Variants in ARHGAP10 observed in about 807,000 individuals in gnomAD.
ARHGAP10 encodes the protein Rho GTPase activating protein 10.
Under a neutral mutation model 108.6 loss-of-function variants are expected in ARHGAP10, and 87 were observed. The ratio of observed to expected loss-of-function variants is 0.80; its 90% CI spans 0.67 to 0.96. The LOEUF (loss-of-function observed/expected upper bound fraction) is 0.96, where lower values mean the gene tolerates loss of function less well. Among genes scored for constraint, ARHGAP10 ranks in the 40% least tolerant of loss-of-function variants. The pLI is 0.00. For synonymous variants in ARHGAP10, 347 were observed against 341.1 expected (o/e 1.02, Z -0.19); for missense variants, 939 against 954.5 (o/e 0.98, Z 0.21).
At chr4:147,985,892 T>G (rs1740026888) in intron 18 of ARHGAP10, among the ~76,000 whole-genome samples, 1 of 152,248 alleles carries the variant, frequency 6.6e-6, no homozygotes, top group African/African-American at 2.4e-5. Flanking sequence ...GGAGGTCCTC[T>G]GCCTCTTATG....
At chr4:147,785,253 C>T (rs934849540) in intron 1 of ARHGAP10, among the ~76,000 whole-genome samples, 5 of 151,718 alleles carry the variant, frequency 3.3e-5, no homozygotes, top group Non-Finnish European at 7.4e-5. Context: ...TTTTAGATTT[C>T]CCAGTTTTCA....
chr4:147,828,514 G>T lies in ARHGAP10; in HGVS notation c.312+5557G>T, dbSNP rs148150074. 2.7e-3 allele frequency among the ~76,000 whole-genome samples: 416 copies of T among 152,314 alleles called. 8 individuals carry two copies. Among genetic ancestry groups the T allele is most frequent in the Admixed American group, 0.02 (304 of 15,306 alleles). On this transcript the variant is annotated intron_variant, in intron 3 of 22. Transcript: ENST00000336498. ...AGACATAAGTAGTGATTCATCCATT[G>T]GAGGAGATGGCTGAAAGAAGGCATG...
intron 18 of ARHGAP10, among the ~76,000 whole-genome samples, chr4:147,980,685 G>GT (rs1739778481): frequency 6.6e-6 from 1 of 152,048 alleles, no homozygotes; most frequent in South Asian, 2.1e-4. Context: ...TGGTTGGTAG[G>GT]TTTTTTAAAT....
intron 20 of ARHGAP10, among the ~76,000 whole-genome samples, chr4:148,061,425 G>A (rs753414644): frequency 6.6e-5 from 10 of 151,876 alleles, no homozygotes; most frequent in South Asian, 2.1e-4. Context: ...TGTCCTTTCC[G>A]TTCCTGATTA....
intron 4 of ARHGAP10, among the ~76,000 whole-genome samples, chr4:147,852,401 G>A (rs543483797): frequency 6.6e-6 from 1 of 152,306 alleles, no homozygotes; most frequent in East Asian, 1.9e-4. Flanking sequence ...GCTCCATTCT[G>A]TGAGGATGAA....
chr4:147,939,734 G>A lies in ARHGAP10; in HGVS notation c.1229-91G>A, dbSNP rs143344202. On this transcript the variant is annotated intron_variant, in intron 13 of 22. Transcript: ENST00000336498. ...TATAGTTAACAGGAATGCTGCTAAT[G>A]TTAGTTAGCAAAGATTTTGAATGCA... 4,294 of 1,090,086 alleles carry A rather than the reference G, an allele frequency of 3.9e-3. 24 individuals carry two copies. Among genetic ancestry groups the A allele is most frequent in the Middle Eastern group, 0.024 (123 of 5,050 alleles). 67.5% of individuals were successfully genotyped at this position (1,090,086 alleles called of 1,614,324 possible).
intron 1 of ARHGAP10, among the ~76,000 whole-genome samples, chr4:147,796,344 T>C (rs932456675): frequency 1.6e-4 from 24 of 152,062 alleles, no homozygotes; most frequent in African/African-American, 5.8e-4. Flanking sequence ...TGGTAAAATA[T>C]ATTTATATAT....
intron 10 of ARHGAP10, among the ~76,000 whole-genome samples, chr4:147,890,625 G>A (rs1418125406): frequency 3.3e-5 from 5 of 152,128 alleles, no homozygotes; most frequent in Non-Finnish European, 7.4e-5. Context: ...TCAGGAGTTC[G>A]AAACTAGCCT....
chr4:147,871,441 A>G (rs1214274062), intron 7 of ARHGAP10, among the ~76,000 whole-genome samples: 1 of 152,202 alleles, frequency 6.6e-6, no homozygotes, highest in African/African-American at 2.4e-5. Context: ...TAATCAGAAA[A>G]AAGTTTTTTA....
chr4:148,016,799 C>T (rs1439222144), intron 18 of ARHGAP10, among the ~76,000 whole-genome samples: 1 of 152,094 alleles, frequency 6.6e-6, no homozygotes, highest in Non-Finnish European at 1.5e-5. Flanking sequence ...CTGGCTTCCA[C>T]TTGGGGTTCC....
chr4:147,946,566 C>T, intron 14 of ARHGAP10, 51 bp from the exon 15 acceptor site: 1 of 1,527,330 alleles, frequency 6.5e-7, no homozygotes, highest in Non-Finnish European at 9.0e-7. Context: ...ACAAGAGGAC[C>T]TTTGATGATC....
In ARHGAP10 at chr4:148,042,206, T is replaced by C. The variant is rs539247007; in HGVS notation, c.1868-4686T>C. On this transcript the variant is annotated intron_variant, in intron 19 of 22. Coordinates refer to ENST00000336498, the MANE Select transcript of ARHGAP10 (RefSeq NM_024605.4). ...ACACCCAGTTCCTAAGCCATGAACC[T>C]GAGGCTCATCTTAAGTTTCTCTCTC... Among the ~76,000 whole-genome samples the C allele has an allele frequency of 1.1e-4, 17 of 152,344 alleles. No homozygotes were observed. The South Asian group carries it at 3.3e-3, about 30-fold the overall frequency.
chr4:147,829,815 T>G (rs1005865514), intron 3 of ARHGAP10, among the ~76,000 whole-genome samples: 24 of 152,384 alleles, frequency 1.6e-4, no homozygotes, highest in Non-Finnish European at 1.3e-4. Flanking sequence ...TCTACATGTA[T>G]TCTTTTATCA....
chr4:148,038,931 T>G (rs1407428915), intron 19 of ARHGAP10, among the ~76,000 whole-genome samples: 1 of 129,374 alleles, frequency 7.7e-6, no homozygotes, highest in Non-Finnish European at 1.6e-5. Flanking sequence ...TCTAAAGTGG[T>G]GCCTTTGTTT....
chr4:147,781,551 T>TA (rs1370477444), intron 1 of ARHGAP10, among the ~76,000 whole-genome samples: 1 of 152,064 alleles, frequency 6.6e-6, no homozygotes, highest in African/African-American at 2.4e-5. Context: ...TCTCCATTTT[T>TA]AAAAAAGGGT....
chr4:147,936,064 A>G (rs1285686942), intron 13 of ARHGAP10, among the ~76,000 whole-genome samples: 14 of 152,174 alleles, frequency 9.2e-5, no homozygotes, highest in Admixed American at 9.2e-4. Flanking sequence ...TTGAATGCAG[A>G]GTATGATTTG....
chr4:147,976,842 G>A (rs1394206392), intron 18 of ARHGAP10, among the ~76,000 whole-genome samples: 1 of 152,168 alleles, frequency 6.6e-6, no homozygotes, highest in East Asian at 1.9e-4. Flanking sequence ...TATAGACAAA[G>A]CACTGGGGAA....
chr4:148,033,299 A>G (rs549927387), intron 19 of ARHGAP10, among the ~76,000 whole-genome samples: 18 of 152,368 alleles, frequency 1.2e-4, no homozygotes, highest in African/African-American at 3.6e-4. Context: ...GATGATGCAG[A>G]TGTCTTACTC....
At chr4:147,877,732 G>C (rs1735131265) in intron 8 of ARHGAP10, among the ~76,000 whole-genome samples, 1 of 151,478 alleles carries the variant, frequency 6.6e-6, no homozygotes, top group Non-Finnish European at 1.5e-5. Flanking sequence ...TGCTGACTTA[G>C]TAAGAGTGGA....
Sources: gnomAD v4.1 joint callset for allele counts (sites outside exome capture counted in the v4.1 genomes callset) on GRCh38, gnomAD v4.1.1 for gene constraint, MANE v1.5 for transcripts, NCBI Gene and HGNC (gene_info 2026-07-23, HGNC 2026-07-21) for gene names.